The following CTNNA3 variants were observed in gnomAD, a reference collection of about 807,000 sequenced individuals.
CTNNA3 encodes catenin alpha-3.
CTNNA3 carries 76 observed loss-of-function variants against 95.7 expected under a neutral mutation model. The ratio of observed to expected loss-of-function variants is 0.79; its 90% CI spans 0.66 to 0.96. The LOEUF (loss-of-function observed/expected upper bound fraction) is 0.96, where lower values mean the gene tolerates loss of function less well. Ranked by LOEUF, CTNNA3 falls within the 40% of genes least tolerant of loss-of-function variation. CTNNA3 has a pLI of 0.00. For synonymous variants in CTNNA3, 431 were observed against 374.4 expected (o/e 1.15, Z -1.74); for missense variants, 1,191 against 1,089.8 (o/e 1.09, Z -1.31).
At chr10:67,012,913 A>C (rs1852431421) in intron 7 of CTNNA3, 2 of 152,242 alleles carry the variant, frequency 1.3e-5, no homozygotes, top group South Asian at 2.1e-4. Flanking sequence ...TTAGCAGCAA[A>C]GACACGCCAT....
intron 5 of CTNNA3, among the ~76,000 whole-genome samples, chr10:67,449,944 T>C (rs1039552021): frequency 3.3e-5 from 5 of 151,806 alleles, no homozygotes; most frequent in African/African-American, 1.2e-4. Context: ...TAAACAAATT[T>C]ACAAGAAAAA....
In CTNNA3 at chr10:67,687,356, T is replaced by A. The variant is rs559508920; in HGVS notation, c.-6+8644A>T. Among the ~76,000 whole-genome samples the A allele has an allele frequency of 2.0e-5, 3 of 152,288 alleles. No individual in the cohort carries two copies. In the South Asian group the frequency reaches 6.2e-4, roughly 32 times the overall value. On this transcript the variant is annotated intron_variant, in intron 1 of 17. Coordinates refer to ENST00000433211, the MANE Select transcript of CTNNA3 (RefSeq NM_013266.4). Reference sequence around the variant, plus strand: ...CCTTCCAGTGATTGCCTCCGCATAGTGGACATGGGTGAGGGAGCAGCTTAT... The same window carrying A: ...CCTTCCAGTGATTGCCTCCGCATAGAGGACATGGGTGAGGGAGCAGCTTAT...
At chr10:67,452,205 C>T (rs1847016088) in intron 5 of CTNNA3, among the ~76,000 whole-genome samples, 1 of 151,980 alleles carries the variant, frequency 6.6e-6, no homozygotes, top group African/African-American at 2.4e-5. Flanking sequence ...ATTATAGATG[C>T]ATTTGGGGGA....
intron 1 of CTNNA3, among the ~76,000 whole-genome samples, chr10:67,741,020 G>T (rs1417931300): frequency 6.6e-6 from 1 of 151,202 alleles, no homozygotes; most frequent in Non-Finnish European, 1.5e-5. Flanking sequence ...GGACATGGAT[G>T]AAATTGGAAA....
At chr10:65,978,816 GA>G (rs1342881389) in intron 16 of CTNNA3, among the ~76,000 whole-genome samples, 1 of 152,034 alleles carries the variant, frequency 6.6e-6, no homozygotes, top group Non-Finnish European at 1.5e-5. Flanking sequence ...TCTACACCTA[GA>G]AACCTCAATA....
rs554207392 is a variant in CTNNA3, at chr10:66,431,328, G to T, written c.1532-51976C>A. On this transcript the variant is annotated intron_variant, in intron 11 of 17. Coordinates refer to ENST00000433211, the MANE Select transcript of CTNNA3 (RefSeq NM_013266.4). ...GTAAACTAGTTCAACCATTGTGGAA[G>T]ACAGTGTGGCAATTCCTCAGGGATC... is the stretch of plus-strand genomic sequence containing the variant. Among the ~76,000 whole-genome samples the T allele has an allele frequency of 2.6e-5, 4 of 152,324 alleles. No homozygotes were observed. In the East Asian group the frequency reaches 7.7e-4, roughly 29 times the overall value.
chr10:66,530,290 T>C (rs1478202435), intron 10 of CTNNA3, among the ~76,000 whole-genome samples: 4 of 152,152 alleles, frequency 2.6e-5, no homozygotes, highest in African/African-American at 7.2e-5. Context: ...TAAGGTTGTA[T>C]GTGAGGTGAA....
intron 5 of CTNNA3, among the ~76,000 whole-genome samples, chr10:67,440,647 C>T (rs977581782): frequency 6.6e-6 from 1 of 152,014 alleles, no homozygotes; most frequent in African/African-American, 2.4e-5. Context: ...AGAGAAGGTC[C>T]ATTTGTTTGA....
At chr10:67,177,383 G>A (rs1425099400) in intron 7 of CTNNA3, among the ~76,000 whole-genome samples, 3 of 152,260 alleles carry the variant, frequency 2.0e-5, no homozygotes, top group Non-Finnish European at 4.4e-5. Context: ...AACTGCTCTG[G>A]CTGGACGCAA....
At chr10:66,226,190 T>C (rs185187669) in intron 13 of CTNNA3, among the ~76,000 whole-genome samples, 237 of 152,256 alleles carry the variant, frequency 1.6e-3, no homozygotes, top group Non-Finnish European at 2.7e-3. Flanking sequence ...ACTTGGGTCT[T>C]ACATTTAAGT....
chr10:67,472,799 T>G (rs1451129478), intron 5 of CTNNA3, among the ~76,000 whole-genome samples: 1 of 152,212 alleles, frequency 6.6e-6, no homozygotes, highest in African/African-American at 2.4e-5. Context: ...CACTCTTGAA[T>G]TCTTTCCTGC....
intron 3 of CTNNA3, among the ~76,000 whole-genome samples, chr10:67,606,415 A>G (rs1843273225): frequency 2.0e-5 from 3 of 152,162 alleles, no homozygotes; most frequent in Admixed American, 6.5e-5. Flanking sequence ...GGAAGTCTAA[A>G]CCTCCAGAAA....
chr10:66,049,601 A>T (rs1391998961), intron 15 of CTNNA3, among the ~76,000 whole-genome samples: 1 of 152,232 alleles, frequency 6.6e-6, no homozygotes, highest in Non-Finnish European at 1.5e-5. Flanking sequence ...AATACGTCAT[A>T]CTATGAAGCA....
intron 3 of CTNNA3, among the ~76,000 whole-genome samples, chr10:67,586,919 G>C (rs1202914094): frequency 6.6e-6 from 1 of 151,960 alleles, no homozygotes; most frequent in African/African-American, 2.4e-5. Flanking sequence ...TTCTGTAGTG[G>C]TTCCATTTGA....
At chr10:67,288,834 T>G (rs1292116593) in intron 5 of CTNNA3, among the ~76,000 whole-genome samples, 1 of 152,118 alleles carries the variant, frequency 6.6e-6, no homozygotes, top group Non-Finnish European at 1.5e-5. Flanking sequence ...TAGGTAAGTT[T>G]AGTAGTGTAG....
chr10:66,430,911 A>C (rs1279623013), intron 11 of CTNNA3, among the ~76,000 whole-genome samples: 1 of 152,222 alleles, frequency 6.6e-6, no homozygotes, highest in African/African-American at 2.4e-5. Context: ...ATGGCATCTA[A>C]TTAAACTAAA....
intron 9 of CTNNA3, among the ~76,000 whole-genome samples, chr10:66,723,455 C>T (rs1222140834): frequency 6.6e-6 from 1 of 152,060 alleles, no homozygotes. Context: ...AATCACTTGG[C>T]CTTATAGCCA....
chr10:66,688,382 G>A (rs527682432), intron 9 of CTNNA3, among the ~76,000 whole-genome samples: 169 of 152,104 alleles, frequency 1.1e-3, no homozygotes, highest in African/African-American at 4.0e-3. Flanking sequence ...CCTCAAAGTC[G>A]CCATGCTTGT....
intron 13 of CTNNA3, among the ~76,000 whole-genome samples, chr10:66,143,999 T>TC (rs1316926442): frequency 2.6e-5 from 4 of 152,242 alleles, no homozygotes; most frequent in South Asian, 2.1e-4. Context: ...TGTACTGTTT[T>TC]CCCCCATGGG....
Sources: gnomAD v4.1 joint callset for allele counts (sites outside exome capture counted in the v4.1 genomes callset) on GRCh38, gnomAD v4.1.1 for gene constraint, MANE v1.5 for transcripts, NCBI Gene and HGNC (gene_info 2026-07-23, HGNC 2026-07-21) for gene names.